The following NSMF variants were observed in gnomAD, a reference collection of about 807,000 sequenced individuals.
The protein encoded by NSMF is nasal embryonic LHRH factor.
Under a neutral mutation model 71.0 loss-of-function variants are expected in NSMF, and 31 were observed. The observed-to-expected ratio is 0.44, with a 90% CI of 0.33 to 0.59. NSMF has a LOEUF of 0.59. Among genes scored for constraint, NSMF ranks in the 20% least tolerant of loss-of-function variants. The probability of loss-of-function intolerance (pLI) is 0.04; values close to 1 mark genes in which losing one functional copy is unlikely to be tolerated. For synonymous variants in NSMF, 345 were observed against 287.1 expected (o/e 1.20, Z -2.04); for missense variants, 673 against 740.5 (o/e 0.91, Z 1.06).
Position 137,449,694 on chromosome 9 carries a change from A to G in NSMF, c.1420-20T>C, listed in dbSNP as rs1205078909. 6.2e-7 allele frequency: 1 copy of G among 1,606,398 alleles called. No homozygotes were observed. Among genetic ancestry groups the G allele is most frequent in the Non-Finnish European group, 8.5e-7 (1 of 1,175,212 alleles). ...GAACAGCTGGAGGAAGCGGGGTGCCATGAGTCCGAGGCAGAGAGATGGGGA... is the reference window on the plus strand; with the variant it reads ...GAACAGCTGGAGGAAGCGGGGTGCCGTGAGTCCGAGGCAGAGAGATGGGGA... On this transcript the variant is annotated intron_variant, in intron 14 of 15. Coordinates refer to ENST00000371475, the MANE Select transcript of NSMF (RefSeq NM_001130969.3).
rs924265171 is a variant in NSMF, at chr9:137,447,852, C to T, written c.*1542G>A. 1.3e-5 allele frequency: 2 copies of T among 152,188 alleles called. No homozygotes were observed. The highest frequency in any genetic ancestry group is 6.6e-5 in the Admixed American group (1 of 15,260). The allele number at this position is 152,188 out of a possible 1,614,324, so 9.4% of individuals were successfully genotyped here. Reference sequence around the variant, plus strand: ...CCAGCAGCGGTCTGGGCCCTGAGGACACCTGAGGTTGAGAGAGTGGCCCCC... The same window carrying T: ...CCAGCAGCGGTCTGGGCCCTGAGGATACCTGAGGTTGAGAGAGTGGCCCCC... On this transcript the variant is annotated 3_prime_UTR_variant, in exon 16 of 16. Coordinates refer to ENST00000371475, the MANE Select transcript of NSMF (RefSeq NM_001130969.3).
chr9:137,451,152 G>GATC (rs1830502829), intron 12 of NSMF, among the ~76,000 whole-genome samples: 1 of 21,220 alleles, frequency 4.7e-5, no homozygotes, highest in Non-Finnish European at 9.0e-5. Flanking sequence ...TCTTCCCCTT[G>GATC]TTCTGCCCTC....
At chr9:137,450,114 A>T in intron 13 of NSMF, 62 bp downstream of exon 13, 1 of 1,585,126 alleles carries the variant, frequency 6.3e-7, no homozygotes, top group Non-Finnish European at 8.7e-7. Context: ...TGGGGGAGGG[A>T]CATGCCAGGG....
intron 5 of NSMF, 47 bp from the exon 6 acceptor site, chr9:137,455,354 G>A (rs367550854): frequency 4.4e-6 from 7 of 1,599,338 alleles, no homozygotes; most frequent in Non-Finnish European, 6.0e-6. Flanking sequence ...GGAGGCAGGA[G>A]GGACACAGAC....
Position 137,449,258 on chromosome 9 carries a change from G to GC in NSMF, c.*135dup. On this transcript the variant is annotated 3_prime_UTR_variant, in exon 16 of 16. Coordinates refer to ENST00000371475, the MANE Select transcript of NSMF (RefSeq NM_001130969.3). The stretch of plus-strand genomic sequence containing the variant: ...ACCGGAACCCACAGGGGGAACCTGA[G>GC]CAACGTCTGAGGTGCCCTGAAGTGG... 1.3e-6 allele frequency: 1 copy of GC among 742,592 alleles called. No homozygotes were observed. Among genetic ancestry groups the GC allele is most frequent in the Non-Finnish European group, 2.3e-6 (1 of 428,172 alleles). The allele number at this position is 742,592 out of a possible 1,614,324, so 46.0% of individuals were successfully genotyped here.
intron 6 of NSMF, chr9:137,454,835 G>T: frequency 8.0e-7 from 1 of 1,244,020 alleles, no homozygotes; most frequent in Admixed American, 2.8e-5. Context: ...CCCATGGCGG[G>T]CTGGGGGCCT....
intron 6 of NSMF, chr9:137,454,749 C>G (rs1364426401): frequency 1.4e-6 from 2 of 1,457,690 alleles, no homozygotes; most frequent in Non-Finnish European, 1.8e-6. Flanking sequence ...GACTTACGCC[C>G]TGAGCCTCCA....
intron 5 of NSMF, 120 bp from the exon 6 acceptor site, chr9:137,455,427 G>T: frequency 1.7e-6 from 2 of 1,208,622 alleles, no homozygotes; most frequent in South Asian, 1.3e-5. Context: ...CCCGGCAGAG[G>T]AGTCCCAGCC....
At chr9:137,449,824 G>A (rs1023128452) in intron 14 of NSMF, 99 bp downstream of exon 14, 7 of 1,343,192 alleles carry the variant, frequency 5.2e-6, no homozygotes, top group Non-Finnish European at 7.5e-6. Context: ...AATGCCCGGG[G>A]GAAGGAAAAA....
At chr9:137,457,960 A>C in intron 2 of NSMF, 59 bp from the exon 3 acceptor site, 1 of 1,534,634 alleles carries the variant, frequency 6.5e-7, no homozygotes, top group South Asian at 1.2e-5. Context: ...TGCCGGTTTC[A>C]TAGCAGGCCG....
At position 137,453,592 on chromosome 9, in the gene NSMF, C is replaced by G. The variant is rs546013569; in HGVS notation, c.922+139G>C. On this transcript the variant is annotated intron_variant, in intron 8 of 15. Coordinates refer to ENST00000371475, the MANE Select transcript of NSMF (RefSeq NM_001130969.3). This position sits in a 1 kb window ranked among gnomAD's most constrained non-coding sequence, Gnocchi z 4.5. ...TTGCGATCGGAGATGCTGAGGGCGT[C>G]CCCATCTCACAAACAGGTAAACCAA... is the stretch of plus-strand genomic sequence containing the variant. 1 of 675,694 alleles carries G rather than the reference C, an allele frequency of 1.5e-6. No individual in the cohort carries two copies. Among genetic ancestry groups the G allele is most frequent in the South Asian group, 1.9e-5 (1 of 52,280 alleles). The allele number at this position is 675,694 out of a possible 1,614,324, so 41.9% of individuals were successfully genotyped here. A position where few individuals can be genotyped will look rare whatever the true frequency, so the allele number is the denominator to read the frequency against.
At chr9:137,455,046 A>T in intron 6 of NSMF, 193 bp downstream of exon 6, 1 of 743,872 alleles carries the variant, frequency 1.3e-6, no homozygotes, top group Non-Finnish European at 2.4e-6. Flanking sequence ...CTCGGAGTGC[A>T]GGACTGAGGG....
In NSMF at chr9:137,452,349, G is replaced by T; in HGVS notation, c.1236+16C>A. On this transcript the variant is annotated intron_variant, in intron 12 of 15. Transcript: ENST00000371475. ...ACGATTCTTCTCCTGGTCAGGAGAC[G>T]AGCACTGAGCCCCACCTGGCAGAAA... 4.4e-6 allele frequency: 7 copies of T among 1,606,902 alleles called. No homozygotes were observed. The highest frequency in any genetic ancestry group is 5.9e-6 in the Non-Finnish European group (7 of 1,178,112).
chr9:137,453,363 C>T lies in NSMF; in HGVS notation c.923-183G>A, dbSNP rs1277691197. The stretch of plus-strand genomic sequence containing the variant: ...CCTGTGGACACCACTGGGCAGCGGC[C>T]TGATGTGGGAAGGGAGACCCTGGTG... On this transcript the variant is annotated intron_variant, in intron 8 of 15. Coordinates refer to ENST00000371475, the MANE Select transcript of NSMF (RefSeq NM_001130969.3). This position sits in a 1 kb window ranked among gnomAD's most constrained non-coding sequence, Gnocchi z 4.5. 8.8e-6 allele frequency: 7 copies of T among 798,692 alleles called. No individual in the cohort carries two copies. The highest frequency in any genetic ancestry group is 1.7e-5 in the African/African-American group (1 of 58,014). 49.5% of individuals were successfully genotyped at this position (798,692 alleles called of 1,614,324 possible). A position where few individuals can be genotyped will look rare whatever the true frequency, so the allele number is the denominator to read the frequency against.
chr9:137,457,752 C>T lies in NSMF; in HGVS notation c.283G>A (p.Glu95Lys), dbSNP rs866454192. The change falls in exon 3 of 16, where the codon GAG becomes AAG. Residue 95 changes from glutamate to lysine, a missense_variant. This residue lies in a region of NSMF where 471 missense variants were observed against 459.6 expected (regional missense o/e 1.02). Coordinates refer to ENST00000371475, the MANE Select transcript of NSMF (RefSeq NM_001130969.3). ...GTGTACACTCGAGGCTGAGGGCCCT[C>T]GCCTGCGGGCTTCCTAATGCTGGGC... ...EEPSIRKPAGEGPQPRVYTIS... is the reference protein window; with the variant it reads ...EEPSIRKPAGKGPQPRVYTIS... The T allele has an allele frequency of 1.0e-5, 16 of 1,558,736 alleles. No individual in the cohort carries two copies. The highest frequency in any genetic ancestry group is 1.7e-4 in the Middle Eastern group (1 of 6,022).
rs750413267 is a variant in NSMF, at chr9:137,453,708, G to A, written c.922+23C>T. 3.2e-6 allele frequency: 5 copies of A among 1,576,746 alleles called. No homozygotes were observed. The African/African-American group carries it at 6.7e-5, about 21-fold the overall frequency. On this transcript the variant is annotated intron_variant, in intron 8 of 15. Coordinates refer to ENST00000371475, the MANE Select transcript of NSMF (RefSeq NM_001130969.3). This position sits in a 1 kb window ranked among gnomAD's most constrained non-coding sequence, Gnocchi z 4.5. Reference sequence around the variant, plus strand: ...CTAGGGGAGGCTCTGGGGAAGGTGGGCGGGCCTGTGCGGGGCACCTACTGT... The same window carrying A: ...CTAGGGGAGGCTCTGGGGAAGGTGGACGGGCCTGTGCGGGGCACCTACTGT...
intron 5 of NSMF, 69 bp downstream of exon 5, chr9:137,455,560 T>G: frequency 2.0e-6 from 3 of 1,517,550 alleles, no homozygotes; most frequent in Non-Finnish European, 2.7e-6. Context: ...CCCAAACCTA[T>G]TTGGGGTGGG....
In NSMF at chr9:137,452,562, C is replaced by A. The variant is rs1230199874; in HGVS notation, c.1156G>T (p.Asp386Tyr). The A allele has an allele frequency of 6.2e-7, 1 of 1,612,672 alleles. No individual in the cohort carries two copies. The highest frequency in any genetic ancestry group is 1.7e-5 in the Admixed American group (1 of 60,022). ...CCAATGAGGCACATACCAAGGATGT[C>A]CTCGAAGGTTGCGTGCTCATGGTCC... ...LYDHEHATFE[D>Y]ILEEIERKLN... Residue 386 changes from aspartate (D) to tyrosine (Y), a missense_variant, in exon 11 of 16, where the codon GAC becomes TAC. Asp to Tyr is a radical substitution (Grantham distance 160). This residue lies in a region of NSMF where 202 missense variants were observed against 280.8 expected (regional missense o/e 0.72). Coordinates refer to ENST00000371475, the MANE Select transcript of NSMF (RefSeq NM_001130969.3).
At chr9:137,458,760 AG>A (rs1831007664) in intron 1 of NSMF, among the ~76,000 whole-genome samples, 1 of 151,658 alleles carries the variant, frequency 6.6e-6, no homozygotes, top group Admixed American at 6.5e-5. Context: ...GACCGTGGAG[AG>A]GGGTCGCGAG....
Sources: gnomAD v4.1 joint callset for allele counts (sites outside exome capture counted in the v4.1 genomes callset) on GRCh38, gnomAD v4.1.1 for gene constraint, gnomAD v4.1.1 regional missense constraint, Gnocchi (gnomAD v3.1) non-coding constraint, MANE v1.5 for transcripts, NCBI Gene and HGNC (gene_info 2026-07-23, HGNC 2026-07-21) for gene names.